Variants in RAD51B observed in about 807,000 individuals in gnomAD.
The protein encoded by RAD51B is RAD51 paralog B, also known as DNA repair protein RAD51 homolog 2.
A neutral mutation model predicts 42.2 loss-of-function variants in RAD51B; 38 were observed. That is an observed-to-expected ratio of 0.90 (90% CI 0.70 to 1.18). The LOEUF (loss-of-function observed/expected upper bound fraction) is 1.18. Ranked by LOEUF, RAD51B falls within the 50% of genes most tolerant of loss-of-function variation. RAD51B has a pLI of 0.00. For missense variants in RAD51B, 373 were observed against 400.7 expected (o/e 0.93, Z 0.59); for synonymous variants, 154 against 145.2 (o/e 1.06, Z -0.43).
At chr14:68,594,686 C>T (rs1439548652) in exon 11 of RAD51B, 1 of 1,279,714 alleles carries the variant, frequency 7.8e-7, no homozygotes, top group African/African-American at 1.5e-5. Flanking sequence ...ACCTCAGCCT[C>T]CCAAAGCGCT....
intron 10 of RAD51B, among the ~76,000 whole-genome samples, chr14:68,571,372 C>T (rs1286666454): frequency 2.0e-5 from 3 of 152,158 alleles, no homozygotes; most frequent in East Asian, 1.9e-4. Context: ...AAATCAGTGT[C>T]GTCAGGGCAG....
At chr14:68,633,920 A>G (rs1421286193) in intron 10 of RAD51B, among the ~76,000 whole-genome samples, 3 of 152,242 alleles carry the variant, frequency 2.0e-5, no homozygotes, top group African/African-American at 7.2e-5. Context: ...GGTAGCCAGA[A>G]GCAACTGCCC....
chr14:67,948,152 C>T (rs1329309425), intron 7 of RAD51B, among the ~76,000 whole-genome samples: 1 of 152,164 alleles, frequency 6.6e-6, no homozygotes, highest in Non-Finnish European at 1.5e-5. Flanking sequence ...TCTGGATATA[C>T]ATAGGCTCAG....
In RAD51B at chr14:68,031,663, CT is replaced by C. The variant is rs201560536; in HGVS notation, c.756+144462del. On this transcript the variant is annotated intron_variant, in intron 7 of 10. Transcript: ENST00000471583. ...GAGCAACATGAAGAAACCCTGGTGT[CT>C]TTAAAAAAAAAATTGTTCAATGAAT... Among the ~76,000 whole-genome samples, 46 of 151,940 alleles carry C rather than the reference CT, an allele frequency of 3.0e-4. 1 individual carries two copies. The highest frequency in any genetic ancestry group is 8.9e-4 in the African/African-American group (37 of 41,442).
chr14:68,162,802 AAAAC>A (rs559296665), intron 7 of RAD51B, among the ~76,000 whole-genome samples: 88 of 152,256 alleles, frequency 5.8e-4, no homozygotes, highest in Admixed American at 1.0e-3. Context: ...AAAACAAAAC[AAAAC>A]AAACAAACAA....
chr14:68,601,389 C>T (rs1188822065), intron 10 of RAD51B, among the ~76,000 whole-genome samples: 2 of 152,096 alleles, frequency 1.3e-5, no homozygotes, highest in South Asian at 2.1e-4. Context: ...ATTTTCATGT[C>T]GGCTATAGTT....
At chr14:68,516,405 C>A (rs1288224613) in intron 10 of RAD51B, among the ~76,000 whole-genome samples, 1 of 152,178 alleles carries the variant, frequency 6.6e-6, no homozygotes, top group Non-Finnish European at 1.5e-5. Flanking sequence ...AATCTCTTGA[C>A]TGTCCGGCTT....
chr14:68,163,151 G>C (rs2078678569), intron 7 of RAD51B, among the ~76,000 whole-genome samples: 1 of 152,238 alleles, frequency 6.6e-6, no homozygotes. Context: ...AGCTGAATGA[G>C]TAGAGTGATA....
At chr14:67,870,191 A>G (rs1016313053) in intron 5 of RAD51B, among the ~76,000 whole-genome samples, 9 of 151,340 alleles carry the variant, frequency 5.9e-5, no homozygotes, top group African/African-American at 2.2e-4. Context: ...CAGGAAACCC[A>G]TCTCACGTGC....
At chr14:68,562,584 T>C (rs1327051737) in intron 10 of RAD51B, 1 of 985,262 alleles carries the variant, frequency 1.0e-6, no homozygotes, top group Non-Finnish European at 1.2e-6. Flanking sequence ...TGTGCAGTCT[T>C]AGGAGTAATG....
chr14:68,224,942 C>T (rs879937126), intron 7 of RAD51B, among the ~76,000 whole-genome samples: 12 of 152,134 alleles, frequency 7.9e-5, no homozygotes, highest in African/African-American at 2.9e-4. Flanking sequence ...CCACCCACCT[C>T]GGCCTCCCAA....
chr14:68,306,116 C>T (rs548346085), intron 8 of RAD51B, among the ~76,000 whole-genome samples: 1 of 152,162 alleles, frequency 6.6e-6, no homozygotes, highest in African/African-American at 2.4e-5. Context: ...AAACTGTTAA[C>T]CTTGAAAGTT....
intron 7 of RAD51B, among the ~76,000 whole-genome samples, chr14:68,062,194 G>A (rs2076578072): frequency 6.6e-6 from 1 of 152,158 alleles, no homozygotes; most frequent in African/African-American, 2.4e-5. Context: ...GAGGTGTCAT[G>A]TTTATTGATT....
At chr14:68,624,874 C>G (rs1420486963) in intron 10 of RAD51B, among the ~76,000 whole-genome samples, 2 of 152,166 alleles carry the variant, frequency 1.3e-5, no homozygotes, top group Admixed American at 1.3e-4. Flanking sequence ...CCTCCCATGC[C>G]TCGTGGGAGT....
intron 8 of RAD51B, among the ~76,000 whole-genome samples, chr14:68,328,176 C>T (rs2082283654): frequency 6.6e-6 from 1 of 152,138 alleles, no homozygotes; most frequent in Non-Finnish European, 1.5e-5. Context: ...TGAACCAGGA[C>T]ACAAAGAAAT....
chr14:68,295,920 T>C (rs1406254527), intron 8 of RAD51B, among the ~76,000 whole-genome samples: 1 of 152,016 alleles, frequency 6.6e-6, no homozygotes, highest in Non-Finnish European at 1.5e-5. Flanking sequence ...ACTCACTGGT[T>C]TGCACACACT....
At chr14:68,230,497 G>A (rs1185792666) in intron 7 of RAD51B, among the ~76,000 whole-genome samples, 1 of 152,166 alleles carries the variant, frequency 6.6e-6, no homozygotes, top group Non-Finnish European at 1.5e-5. Context: ...GCCAGGGAAG[G>A]CCCTGTACCT....
At chr14:67,900,920 T>TG (rs2043590495) in intron 7 of RAD51B, among the ~76,000 whole-genome samples, 1 of 152,204 alleles carries the variant, frequency 6.6e-6, no homozygotes, top group Non-Finnish European at 1.5e-5. Context: ...AACCTTGTGT[T>TG]GGAGTCTGCT....
chr14:68,304,237 A>G (rs1461115690), intron 8 of RAD51B, among the ~76,000 whole-genome samples: 1 of 152,240 alleles, frequency 6.6e-6, no homozygotes, highest in East Asian at 1.9e-4. Flanking sequence ...GATTGCAATA[A>G]TAATATTGAG....
Sources: gnomAD v4.1 joint callset for allele counts (sites outside exome capture counted in the v4.1 genomes callset) on GRCh38, gnomAD v4.1.1 for gene constraint, MANE v1.5 for transcripts, NCBI Gene and HGNC (gene_info 2026-07-23, HGNC 2026-07-21) for gene names.